Variants in HPSE2 observed in about 807,000 individuals in gnomAD.
HPSE2 encodes the protein inactive heparanase-2.
A neutral mutation model predicts 60.5 loss-of-function variants in HPSE2; 38 were observed. That is an observed-to-expected ratio of 0.63 (90% CI 0.48 to 0.82). The LOEUF is 0.82. Among genes scored for constraint, HPSE2 ranks in the 40% least tolerant of loss-of-function variants. The pLI is 0.00. For synonymous variants in HPSE2, 295 were observed against 293.2 expected (o/e 1.01, Z -0.06); for missense variants, 713 against 740.4 (o/e 0.96, Z 0.43).
chr10:99,051,748 A>G (rs772524697), intron 3 of HPSE2, among the ~76,000 whole-genome samples: 9 of 152,204 alleles, frequency 5.9e-5, no homozygotes, highest in Non-Finnish European at 1.2e-4. Context: ...GTCAAGTTAA[A>G]GAGTTTTGAT....
chr10:98,594,350 C>T (rs1945173188), intron 9 of HPSE2, among the ~76,000 whole-genome samples: 1 of 152,046 alleles, frequency 6.6e-6, no homozygotes, highest in Non-Finnish European at 1.5e-5. Context: ...CTCTCTGCTC[C>T]TATGAATTCA....
chr10:98,561,923 A>G (rs1420292671), intron 9 of HPSE2, among the ~76,000 whole-genome samples: 1 of 152,224 alleles, frequency 6.6e-6, no homozygotes, highest in Non-Finnish European at 1.5e-5. Context: ...TAGTGTAAGT[A>G]TACAGTGTTT....
chr10:98,831,337 G>A (rs1951679380), intron 3 of HPSE2, among the ~76,000 whole-genome samples: 1 of 152,096 alleles, frequency 6.6e-6, no homozygotes, highest in Non-Finnish European at 1.5e-5. Flanking sequence ...TACTATGTTG[G>A]TGGCCCTCTT....
chr10:99,228,074 T>C (rs1319776422), intron 2 of HPSE2, among the ~76,000 whole-genome samples: 1 of 151,906 alleles, frequency 6.6e-6, no homozygotes, highest in Non-Finnish European at 1.5e-5. Context: ...CTTCAAAAAC[T>C]AGGTGAGATG....
At chr10:98,739,067 G>A (rs1211452451) in intron 4 of HPSE2, among the ~76,000 whole-genome samples, 4 of 152,030 alleles carry the variant, frequency 2.6e-5, no homozygotes, top group African/African-American at 4.8e-5. Context: ...AACTTGGAAC[G>A]AACCCAAATG....
At chr10:99,072,057 G>T (rs1842809457) in intron 3 of HPSE2, among the ~76,000 whole-genome samples, 1 of 150,610 alleles carries the variant, frequency 6.6e-6, no homozygotes, top group Non-Finnish European at 1.5e-5. Flanking sequence ...TGGTTATTTA[G>T]GGTCCTTTGT....
At chr10:98,583,664 G>T (rs900729897) in intron 9 of HPSE2, among the ~76,000 whole-genome samples, 2 of 152,116 alleles carry the variant, frequency 1.3e-5, no homozygotes, top group South Asian at 4.1e-4. Flanking sequence ...TGGTTTGTGT[G>T]CCCCAAATTA....
At chr10:98,525,500 A>G (rs1942938514) in intron 9 of HPSE2, among the ~76,000 whole-genome samples, 1 of 152,256 alleles carries the variant, frequency 6.6e-6, no homozygotes, top group Admixed American at 6.5e-5. Context: ...GACGGGCCTA[A>G]GGGAGCCCCA....
chr10:98,463,634 C>T (rs1940401773), intron 11 of HPSE2, among the ~76,000 whole-genome samples: 1 of 150,486 alleles, frequency 6.6e-6, no homozygotes, highest in Non-Finnish European at 1.5e-5. Flanking sequence ...AGACCCCCAT[C>T]TCTACAAAAA....
intron 3 of HPSE2, among the ~76,000 whole-genome samples, chr10:98,987,753 T>C (rs1294942543): frequency 2.0e-5 from 3 of 152,194 alleles, no homozygotes; most frequent in Non-Finnish European, 4.4e-5. Flanking sequence ...CCCCATCGTC[T>C]CAGCCCAAAA....
chr10:98,558,967 C>T (rs1944092178), intron 9 of HPSE2, among the ~76,000 whole-genome samples: 1 of 152,148 alleles, frequency 6.6e-6, no homozygotes. Flanking sequence ...CATTCATGTT[C>T]CCTGTCTAGC....
intron 8 of HPSE2, among the ~76,000 whole-genome samples, chr10:98,619,443 A>G (rs1946012482): frequency 6.6e-6 from 1 of 152,164 alleles, no homozygotes; most frequent in Non-Finnish European, 1.5e-5. Context: ...TACCATTGAT[A>G]AAGTCAAAGT....
At chr10:98,662,792 T>G (rs1000861015) in intron 6 of HPSE2, among the ~76,000 whole-genome samples, 12 of 152,184 alleles carry the variant, frequency 7.9e-5, no homozygotes, top group African/African-American at 2.9e-4. Context: ...ATTTTACAGC[T>G]AGGAACTCAT....
chr10:98,602,205 T>G (rs1278823195), intron 9 of HPSE2, among the ~76,000 whole-genome samples: 1 of 152,116 alleles, frequency 6.6e-6, no homozygotes, highest in Admixed American at 6.5e-5. Context: ...GCCACCAAAA[T>G]GGTACCTTGG....
intron 3 of HPSE2, among the ~76,000 whole-genome samples, chr10:98,797,455 A>C (rs1950802551): frequency 6.6e-6 from 1 of 152,182 alleles, no homozygotes; most frequent in African/African-American, 2.4e-5. Context: ...AAGAAAGAAA[A>C]GAATAAAACA....
intron 5 of HPSE2, among the ~76,000 whole-genome samples, chr10:98,708,455 CAAAAA>C (rs35950365): frequency 8.4e-6 from 1 of 119,680 alleles, no homozygotes. Flanking sequence ...GACTACGTCT[CAAAAA>C]AAAAAAAAAA....
the HPSE2 span, among the ~76,000 whole-genome samples, chr10:99,266,185 A>T: frequency 3.9e-5 from 6 of 152,194 alleles, no homozygotes; most frequent in African/African-American, 1.4e-4. Flanking sequence ...AAGCCACAGC[A>T]GGTCGGGAGA....
intron 3 of HPSE2, among the ~76,000 whole-genome samples, chr10:99,015,371 A>G (rs1035367572): frequency 1.2e-4 from 18 of 152,196 alleles, no homozygotes; most frequent in East Asian, 1.2e-3. Flanking sequence ...ATGCACACGT[A>G]TGTTTATTGT....
chr10:99,061,028 C>G (rs1281649765), intron 3 of HPSE2, among the ~76,000 whole-genome samples: 3 of 151,674 alleles, frequency 2.0e-5, no homozygotes, highest in Non-Finnish European at 4.4e-5. Context: ...TTTAAGCTCA[C>G]AGGGTTTAAA....
Sources: allele counts gnomAD v4.1 joint callset (sites outside exome capture counted in the v4.1 genomes callset), GRCh38; gene constraint gnomAD v4.1.1; transcripts MANE v1.5; gene names NCBI Gene and HGNC (gene_info 2026-07-23, HGNC 2026-07-21).